The following PRAMEF1 variants were observed in gnomAD, a reference collection of about 807,000 sequenced individuals.
PRAMEF1 encodes PRAME family member 1.
A neutral mutation model predicts 38.2 loss-of-function variants in PRAMEF1; 21 were observed. That is an observed-to-expected ratio of 0.55 (90% CI 0.39 to 0.79). The LOEUF (loss-of-function observed/expected upper bound fraction) is 0.79, where lower values mean the gene tolerates loss of function less well. PRAMEF1 is among the 30% of genes least tolerant of loss of function. The probability of loss-of-function intolerance (pLI) is 0.00; values close to 1 mark genes in which losing one functional copy is unlikely to be tolerated. For synonymous variants in PRAMEF1, 200 were observed against 229.0 expected (o/e 0.87, Z 1.14); for missense variants, 497 against 565.8 (o/e 0.88, Z 1.23).
rs752471554 is a variant in PRAMEF1 at position 12,795,876 on chromosome 1, T to C, written c.1305T>C (p.Ala435=). Residue 435 remains alanine, a synonymous_variant, in exon 4 of 4, where the codon GCT becomes GCC. Transcript: ENST00000332296. ...VNWEIFTPLR[A]ELMCTLREVR... is the part of the protein sequence containing the mutation. ...GGGAGATCTTCACCCCACTTCGGGC[T>C]GAGCTGATGTGTACACTGAGGGAAG... 25 of 1,610,992 alleles carry C rather than the reference T, an allele frequency of 1.6e-5. No individual in the cohort carries two copies. In the Admixed American group the frequency reaches 1.8e-4, roughly 12 times the overall value.
At chr1:12,793,601 G>A (rs61775048) in intron 2 of PRAMEF1, 87 bp downstream of exon 2, 13 of 1,544,946 alleles carry the variant, frequency 8.4e-6, no homozygotes, top group East Asian at 4.6e-5. Flanking sequence ...GCCCAAGTGT[G>A]GCCCAGAGTC....
chr1:12,794,271 T>C lies in PRAMEF1; in HGVS notation c.644T>C (p.Met215Thr), dbSNP rs1063770. The C allele has an allele frequency of 8.1e-6, 13 of 1,611,900 alleles. No individual in the cohort carries two copies. The highest frequency in any genetic ancestry group is 2.2e-5 in the East Asian group (1 of 44,648). Reference protein sequence around the residue: ...NSIQELEIRNMSWPRLIRKLR... With the variant: ...NSIQELEIRNTSWPRLIRKLR... Reference sequence around the variant, plus strand: ...ATTCAAGAGCTGGAAATTCGCAACATGTCCTGGCCACGTCTGATAAGAAAG... The same window carrying C: ...ATTCAAGAGCTGGAAATTCGCAACACGTCCTGGCCACGTCTGATAAGAAAG... The change falls in exon 3 of 4, where the codon ATG becomes ACG. Residue 215 changes from methionine (M) to threonine (T), a missense_variant. This residue lies in a region of PRAMEF1 where 470 missense variants were observed against 501.9 expected (regional missense o/e 0.94). Coordinates refer to ENST00000332296, the MANE Select transcript of PRAMEF1 (RefSeq NM_023013.4).
chr1:12,795,282 G>A (rs1249361891), intron 3 of PRAMEF1, among the ~76,000 whole-genome samples, 156 bp from the exon 4 acceptor site: 3 of 151,646 alleles, frequency 2.0e-5, no homozygotes, highest in Admixed American at 1.3e-4. Flanking sequence ...GCCCCTGAAC[G>A]ATCAGGGTCC....
At position 12,795,962 on chromosome 1, in the gene PRAMEF1, C is replaced by A. The variant is rs61775054; in HGVS notation, c.1391C>A (p.Pro464Gln). 1.9e-6 allele frequency: 3 copies of A among 1,604,292 alleles called. No homozygotes were observed. The part of the protein sequence containing the change: ...PTPCPSCGSS[P>Q]SEELELHLCC ...CCCTGCCCTTCCTGTGGCTCATCAC[C>A]GTCTGAGGAACTGGAGCTCCATCTT... Residue 464 changes from proline to glutamine, a missense_variant, in exon 4 of 4, where the codon CCG becomes CAG. By Grantham distance (76) the Pro-to-Gln change is moderately conservative. Transcript: ENST00000332296.
Position 12,796,172 on chromosome 1 carries a change from G to A in PRAMEF1, c.*176G>A. On this transcript the variant is annotated 3_prime_UTR_variant, in exon 4 of 4. Transcript: ENST00000332296. ...GACAGGGTTTCGCTGTGTTGCTCCA[G>A]CTGGTCTCAAACTGCTGGGCTTATG... 1.6e-6 allele frequency: 2 copies of A among 1,273,314 alleles called. No homozygotes were observed. The highest frequency in any genetic ancestry group is 2.1e-6 in the Non-Finnish European group (2 of 950,646). 78.9% of individuals were successfully genotyped at this position (1,273,314 alleles called of 1,614,324 possible).
intron 3 of PRAMEF1, among the ~76,000 whole-genome samples, chr1:12,795,193 A>G (rs1250023545): frequency 0.022 from 3,297 of 150,320 alleles, 42 homozygotes; most frequent in South Asian, 0.048. Context: ...AAAGATGAAA[A>G]AAAAAAGGCT....
chr1:12,795,981 C>T lies in PRAMEF1; in HGVS notation c.1410C>T (p.Leu470=), dbSNP rs1313076728. The part of the protein sequence containing the change: ...CGSSPSEELE[L]HLCC ...CATCACCGTCTGAGGAACTGGAGCT[C>T]CATCTTTGCTGCTAGGGAAGGCGTG... Residue 470 remains leucine (L), a synonymous_variant, in exon 4 of 4, where the codon CTC becomes CTT. Transcript: ENST00000332296. The T allele has an allele frequency of 6.2e-7, 1 of 1,609,282 alleles. No homozygotes were observed. Among genetic ancestry groups the T allele is most frequent in the African/African-American group, 1.3e-5 (1 of 74,246 alleles).
chr1:12,793,119 G>T lies in PRAMEF1; in HGVS notation c.-25-84G>T. 2.0e-6 allele frequency: 3 copies of T among 1,528,868 alleles called. 1 individual carries two copies. Among genetic ancestry groups the T allele is most frequent in the Non-Finnish European group, 2.7e-6 (3 of 1,125,894 alleles). The allele number at this position is 1,528,868 out of a possible 1,614,324, so 94.7% of individuals were successfully genotyped here. On this transcript the variant is annotated intron_variant, in intron 1 of 3. Coordinates refer to ENST00000332296, the MANE Select transcript of PRAMEF1 (RefSeq NM_023013.4). ...ATGACCCCTCCCTCCTTGGTGTTTGGAAGACATTCTTCCTGGTACCAGTAG... is the reference window on the plus strand; with the variant it reads ...ATGACCCCTCCCTCCTTGGTGTTTGTAAGACATTCTTCCTGGTACCAGTAG...
chr1:12,793,436 T>G lies in PRAMEF1; in HGVS notation c.209T>G (p.Met70Arg), dbSNP rs1639331291. The change falls in exon 2 of 4, where the codon ATG (methionine) becomes AGG (arginine). Residue 70 changes from methionine (M) to arginine (R), a missense_variant. Physicochemically the swap from Met to Arg is moderately conservative, Grantham distance 91. Coordinates refer to ENST00000332296, the MANE Select transcript of PRAMEF1 (RefSeq NM_023013.4). ...ACCTGCCTCCCTCTGGGATCACTGA[T>G]GAAGACGCTTCATTTGGAGACCTTA... ...PFTCLPLGSL[M>R]KTLHLETLKA... The G allele has an allele frequency of 6.2e-7, 1 of 1,609,904 alleles. No individual in the cohort carries two copies. The highest frequency in any genetic ancestry group is 8.5e-7 in the Non-Finnish European group (1 of 1,177,942).
chr1:12,795,961 C>T lies in PRAMEF1; in HGVS notation c.1390C>T (p.Pro464Ser), dbSNP rs1639395434. 6.2e-7 allele frequency: 1 copy of T among 1,610,222 alleles called. No individual in the cohort carries two copies. The highest frequency in any genetic ancestry group is 8.5e-7 in the Non-Finnish European group (1 of 1,179,464). The change falls in exon 4 of 4, where the codon CCG (proline) becomes TCG (serine). Residue 464 changes from proline to serine, a missense_variant. By Grantham distance (74) the Pro-to-Ser change is moderately conservative. This residue lies in a region of PRAMEF1 where 27 missense variants were observed against 63.9 expected (regional missense o/e 0.42). Transcript: ENST00000332296. ...PTPCPSCGSS[P>S]SEELELHLCC is the part of the protein sequence containing the mutation. ...CCCCTGCCCTTCCTGTGGCTCATCA[C>T]CGTCTGAGGAACTGGAGCTCCATCT... is the stretch of plus-strand genomic sequence containing the variant.
Position 12,794,434 on chromosome 1 carries a change from T to C in PRAMEF1, c.807T>C (p.Leu269=), listed in dbSNP as rs1063782. The C allele has an allele frequency of 1.5e-3, 2,394 of 1,600,540 alleles. 260 individuals carry two copies. In the East Asian group the frequency reaches 0.022, roughly 15 times the overall value. The change falls in exon 3 of 4, where the codon CTT becomes CTC. Residue 269 remains leucine (L), a synonymous_variant. Transcript: ENST00000332296. ...CTGTGTTCCTCAGGCTGGAACACCTTCAGTTGCTTAAAATAAAATTGATCA... is the reference window on the plus strand; with the variant it reads ...CTGTGTTCCTCAGGCTGGAACACCTCCAGTTGCTTAAAATAAAATTGATCA... The part of the protein sequence containing the change: ...FSSVFLRLEH[L]QLLKIKLITF...
chr1:12,794,948 G>A, intron 3 of PRAMEF1: 1 of 1,323,288 alleles, frequency 7.6e-7, no homozygotes, highest in South Asian at 1.2e-5. Context: ...TTTGTAAAAG[G>A]TTGTTTTGAA....
intron 2 of PRAMEF1, 80 bp downstream of exon 2, chr1:12,793,594 C>G (rs1250311069): frequency 9.1e-6 from 14 of 1,543,808 alleles, no homozygotes; most frequent in South Asian, 8.2e-5. Context: ...AGAAGTAGCC[C>G]AAGTGTGGCC....
At chr1:12,792,949 C>T (rs1368179103) in intron 1 of PRAMEF1, among the ~76,000 whole-genome samples, 1 of 151,096 alleles carries the variant, frequency 6.6e-6, no homozygotes, top group Non-Finnish European at 1.5e-5. Context: ...AGGACACTCT[C>T]ATTCTCATTG....
rs1557598280 is a variant in PRAMEF1, at chr1:12,796,249, C to T, written c.*253C>T. 1 of 585,808 alleles carries T rather than the reference C, an allele frequency of 1.7e-6. No individual in the cohort carries two copies. The highest frequency in any genetic ancestry group is 2.9e-6 in the Non-Finnish European group (1 of 345,922). 36.3% of individuals were successfully genotyped at this position (585,808 alleles called of 1,614,324 possible). A position where few individuals can be genotyped will look rare whatever the true frequency, so the allele number is the denominator to read the frequency against. On this transcript the variant is annotated 3_prime_UTR_variant, in exon 4 of 4. Transcript: ENST00000332296. ...GTGCTGGGATTACTGGCATGAGTGA[C>T]TGTGTCCAGGCCACATGCAACTTAA...
At chr1:12,792,482 T>G (rs1569727670) in intron 1 of PRAMEF1, among the ~76,000 whole-genome samples, 1 of 151,252 alleles carries the variant, frequency 6.6e-6, no homozygotes, top group African/African-American at 2.4e-5. Flanking sequence ...ACTCTGCCTC[T>G]GGGCTTCAAG....
chr1:12,794,412 T>A lies in PRAMEF1; in HGVS notation c.785T>A (p.Val262Glu). 2 of 1,610,788 alleles carry A rather than the reference T, an allele frequency of 1.2e-6. No individual in the cohort carries two copies. Among genetic ancestry groups the A allele is most frequent in the Non-Finnish European group, 1.7e-6 (2 of 1,178,058 alleles). ...CGGTTAGTTGCCAAATTCAGCTCTGTGTTCCTCAGGCTGGAACACCTTCAG... is the reference window on the plus strand; with the variant it reads ...CGGTTAGTTGCCAAATTCAGCTCTGAGTTCCTCAGGCTGGAACACCTTCAG... The part of the protein sequence containing the change: ...EGRLVAKFSS[V>E]FLRLEHLQLL... The change falls in exon 3 of 4, where the codon GTG (valine) becomes GAG (glutamate). Residue 262 changes from valine (V) to glutamate (E), a missense_variant. Physicochemically the swap from Val to Glu is moderately radical, Grantham distance 121. Transcript: ENST00000332296.
chr1:12,794,128 C>T lies in PRAMEF1; in HGVS notation c.501C>T (p.Leu167=), dbSNP rs150987662. 3,607 of 1,610,422 alleles carry T rather than the reference C, an allele frequency of 2.2e-3. 119 individuals are homozygous for T. The African/African-American group carries it at 0.043, about 19-fold the overall frequency. ...CCCAGGATGAATGCCTGAGATACCT[C>T]TTCCAGTGGGTTTACCAAAGGAGAG... The part of the protein sequence containing the change: ...EIPQDECLRY[L]FQWVYQRRGL... The change falls in exon 3 of 4, where the codon CTC becomes CTT. Residue 167 remains leucine, a synonymous_variant. Coordinates refer to ENST00000332296, the MANE Select transcript of PRAMEF1 (RefSeq NM_023013.4).
At position 12,793,912 on chromosome 1, in the gene PRAMEF1, C is replaced by T; in HGVS notation, c.288-3C>T. The stretch of plus-strand genomic sequence containing the variant: ...CTGAGTCTCTCCCTTACTTTACCCA[C>T]AGGAGGTGGAAACTTCAAGTGCTGG... On this transcript the variant is annotated splice_polypyrimidine_tract_variant and splice_region_variant and intron_variant, in intron 2 of 3. Transcript: ENST00000332296. The T allele has an allele frequency of 1.2e-6, 2 of 1,608,784 alleles. No individual in the cohort carries two copies. Among genetic ancestry groups the T allele is most frequent in the East Asian group, 2.2e-5 (1 of 44,448 alleles).
Sources: allele counts gnomAD v4.1 joint callset (sites outside exome capture counted in the v4.1 genomes callset), GRCh38; gene constraint gnomAD v4.1.1; regional missense constraint gnomAD v4.1.1; transcripts MANE v1.5; gene names NCBI Gene and HGNC (gene_info 2026-07-23, HGNC 2026-07-21).